The following TNFSF18 variants were observed in gnomAD, a reference collection of about 807,000 sequenced individuals.
TNFSF18 encodes TNF superfamily member 18.
A neutral mutation model predicts 9.6 loss-of-function variants in TNFSF18; 6 were observed. That is an observed-to-expected ratio of 0.63 (90% CI 0.34 to 1.24). The LOEUF (loss-of-function observed/expected upper bound fraction) is 1.24. Among genes scored for constraint, TNFSF18 ranks in the 50% most tolerant of loss-of-function variants. The pLI, the probability that TNFSF18 is intolerant of heterozygous loss-of-function variation, is 0.03. For missense variants in TNFSF18, 210 were observed against 201.0 expected (o/e 1.04, Z -0.27); for synonymous variants, 68 against 71.7 (o/e 0.95, Z 0.26).
At position 173,039,438 on chromosome 1, in the gene TNFSF18, C is replaced by A. The variant is rs1372039601; in HGVS notation, c.*1929G>T. 6.6e-6 allele frequency among the ~76,000 whole-genome samples: 1 copy of A among 151,810 alleles called. No homozygotes were observed. The highest frequency in any genetic ancestry group is 1.5e-5 in the Non-Finnish European group (1 of 67,986). On this transcript the variant is annotated 3_prime_UTR_variant, in exon 3 of 3. Coordinates refer to ENST00000404377, the MANE Select transcript of TNFSF18 (RefSeq NM_005092.4). ...TCTCCCTTAGTCTGCTATGATTATC[C>A]CAGGAATGAAGCGGGGGCAGAGAGG...
chr1:173,042,720 G>C (rs1358986962), intron 2 of TNFSF18, among the ~76,000 whole-genome samples: 1 of 152,150 alleles, frequency 6.6e-6, no homozygotes, highest in South Asian at 2.1e-4. Flanking sequence ...ACAGCCCCGG[G>C]AGGTGCTTTT....
At position 173,039,674 on chromosome 1, in the gene TNFSF18, A is replaced by G. The variant is rs566466157; in HGVS notation, c.*1693T>C. 2.6e-5 allele frequency among the ~76,000 whole-genome samples: 4 copies of G among 152,158 alleles called. No homozygotes were observed. The highest frequency in any genetic ancestry group is 9.6e-5 in the African/African-American group (4 of 41,516). ...CAGCCCACTCCAGCACACATTGCTT[A>G]TAACACAACAAAGATCAAGAACACC... is the stretch of plus-strand genomic sequence containing the variant. On this transcript the variant is annotated 3_prime_UTR_variant, in exon 3 of 3. Transcript: ENST00000404377.
At chr1:173,045,162 T>C (rs1175410638) in intron 1 of TNFSF18, among the ~76,000 whole-genome samples, 12 of 152,166 alleles carry the variant, frequency 7.9e-5, no homozygotes, top group African/African-American at 2.9e-4. Context: ...TTTAAGAGTC[T>C]TAAGCTCATA....
At chr1:173,048,697 T>TTTTTAA (rs1665121251) in intron 1 of TNFSF18, among the ~76,000 whole-genome samples, 1 of 152,218 alleles carries the variant, frequency 6.6e-6, no homozygotes, top group Non-Finnish European at 1.5e-5. Context: ...AAGTGTACAC[T>TTTTTAA]TTTTAAAGTA....
intron 1 of TNFSF18, among the ~76,000 whole-genome samples, chr1:173,044,310 A>C (rs1665044190): frequency 6.6e-6 from 1 of 151,054 alleles, no homozygotes; most frequent in African/African-American, 2.4e-5. Flanking sequence ...CAGTTTCCAC[A>C]CCCCAGTGAC....
chr1:173,042,871 A>G (rs570157932), intron 2 of TNFSF18, among the ~76,000 whole-genome samples: 1 of 152,164 alleles, frequency 6.6e-6, no homozygotes, highest in Non-Finnish European at 1.5e-5. Flanking sequence ...AATGACTAAT[A>G]TAAGACTCTG....
chr1:173,044,090 A>G (rs1035451923), intron 1 of TNFSF18, 121 bp from the exon 2 acceptor site: 1 of 947,482 alleles, frequency 1.1e-6, no homozygotes, highest in Middle Eastern at 2.6e-4. Context: ...CATAAAAAAA[A>G]TCCTTCCCTT....
intron 1 of TNFSF18, among the ~76,000 whole-genome samples, chr1:173,047,888 G>A (rs1037576286): frequency 6.6e-6 from 1 of 152,124 alleles, no homozygotes; most frequent in South Asian, 2.1e-4. Flanking sequence ...GTTTGATTGA[G>A]AGAGTGATAT....
intron 2 of TNFSF18, 110 bp from the exon 3 acceptor site, chr1:173,041,823 T>TCGATCACCGA: frequency 1.2e-6 from 1 of 835,044 alleles, no homozygotes; most frequent in South Asian, 2.7e-5. Context: ...TTTCTTTACC[T>TCGATCACCGA]GATCTACACT....
rs192800196 is a variant in TNFSF18, at chr1:173,041,024, T to C, written c.*343A>G. The C allele has an allele frequency of 6.1e-5, 11 of 181,430 alleles. No individual in the cohort carries two copies. The highest frequency in any genetic ancestry group is 3.0e-4 in the Admixed American group (5 of 16,710). The allele number at this position is 181,430 out of a possible 1,614,324, so 11.2% of individuals were successfully genotyped here. A position where few individuals can be genotyped will look rare whatever the true frequency, so the allele number is the denominator to read the frequency against. On this transcript the variant is annotated 3_prime_UTR_variant, in exon 3 of 3. Transcript: ENST00000404377. Reference sequence around the variant, plus strand: ...GCCAGGCTACTGCCCCAGATCCTTTTTGCATACCAGGTAAATCTTCCATGG... The same window carrying C: ...GCCAGGCTACTGCCCCAGATCCTTTCTGCATACCAGGTAAATCTTCCATGG...
intron 2 of TNFSF18, among the ~76,000 whole-genome samples, chr1:173,042,377 A>G (rs1665007944): frequency 6.6e-6 from 1 of 152,054 alleles, no homozygotes; most frequent in Non-Finnish European, 1.5e-5. Context: ...TACCTGGTAG[A>G]TGTTCCATAA....
chr1:173,049,814 T>C (rs1665140126), intron 1 of TNFSF18, among the ~76,000 whole-genome samples: 1 of 152,132 alleles, frequency 6.6e-6, no homozygotes, highest in Admixed American at 6.6e-5. Flanking sequence ...CTGAAATAAA[T>C]AAAGCATTTC....
chr1:173,040,531 G>A lies in TNFSF18; in HGVS notation c.*836C>T, dbSNP rs571400438. On this transcript the variant is annotated 3_prime_UTR_variant, in exon 3 of 3. Coordinates refer to ENST00000404377, the MANE Select transcript of TNFSF18 (RefSeq NM_005092.4). ...TTCATAGAATTGCTAACTGTTTTAC[G>A]AAAGCACTTTGCAAACTGTGGAAAG... 11 of 152,170 alleles carry A rather than the reference G, an allele frequency of 7.2e-5. No individual in the cohort carries two copies. The highest frequency in any genetic ancestry group is 2.4e-4 in the African/African-American group (10 of 41,508). 9.4% of individuals were successfully genotyped at this position (152,170 alleles called of 1,614,324 possible).
rs1205424565 is a variant in TNFSF18, at chr1:173,040,210, C to T, written c.*1157G>A. ...GGCCTGAACAGCATCCTGGATCTCC[C>T]TGATTCAGGCAGGAAAAAAAAAAAA... On this transcript the variant is annotated 3_prime_UTR_variant, in exon 3 of 3. Transcript: ENST00000404377. 1.3e-5 allele frequency: 2 copies of T among 150,820 alleles called. No individual in the cohort carries two copies. The highest frequency in any genetic ancestry group is 2.9e-5 in the Non-Finnish European group (2 of 67,884). The allele number at this position is 150,820 out of a possible 1,614,324, so 9.3% of individuals were successfully genotyped here.
In TNFSF18 at chr1:173,041,727, AC is replaced by A; in HGVS notation, c.188-15del. ...AGGGTAATGGTCCTATAAGAAATAT[AC>A]AAGGATAAAAAAGATGAAAGCATAG... On this transcript the variant is annotated splice_polypyrimidine_tract_variant and intron_variant, in intron 2 of 2. Transcript: ENST00000404377. The A allele has an allele frequency of 1.3e-6, 2 of 1,548,732 alleles. No individual in the cohort carries two copies. The highest frequency in any genetic ancestry group is 1.7e-6 in the Non-Finnish European group (2 of 1,149,166).
chr1:173,041,807 ATGT>A, intron 2 of TNFSF18, 94 bp from the exon 3 acceptor site: 6 of 1,007,952 alleles, frequency 6.0e-6, no homozygotes, highest in Non-Finnish European at 8.0e-6. Flanking sequence ...TACCACATAC[ATGT>A]TGTTTCTTTA....
intron 2 of TNFSF18, among the ~76,000 whole-genome samples, chr1:173,042,006 G>T (rs570799795): frequency 5.5e-4 from 83 of 152,238 alleles, no homozygotes; most frequent in Non-Finnish European, 9.1e-4. Flanking sequence ...ATATTTGTGG[G>T]AAAAAGAAAG....
chr1:173,040,301 T>G lies in TNFSF18; in HGVS notation c.*1066A>C, dbSNP rs762691626. ...GCTCACCTTGGGCTAAAGGGGAATATGCTTCCTGAAAAGTGAATTCGCTAA... is the reference window on the plus strand; with the variant it reads ...GCTCACCTTGGGCTAAAGGGGAATAGGCTTCCTGAAAAGTGAATTCGCTAA... On this transcript the variant is annotated 3_prime_UTR_variant, in exon 3 of 3. Coordinates refer to ENST00000404377, the MANE Select transcript of TNFSF18 (RefSeq NM_005092.4). The G allele has an allele frequency of 6.6e-6, 1 of 152,030 alleles. No homozygotes were observed. The highest frequency in any genetic ancestry group is 1.5e-5 in the Non-Finnish European group (1 of 68,026). The allele number at this position is 152,030 out of a possible 1,614,324, so 9.4% of individuals were successfully genotyped here.
chr1:173,047,750 T>G (rs1665106849), intron 1 of TNFSF18, among the ~76,000 whole-genome samples: 1 of 152,134 alleles, frequency 6.6e-6, no homozygotes, highest in Non-Finnish European at 1.5e-5. Flanking sequence ...AAATTCCGTA[T>G]AATATACTGC....
Sources: gnomAD v4.1 joint callset for allele counts (sites outside exome capture counted in the v4.1 genomes callset) on GRCh38, gnomAD v4.1.1 for gene constraint, MANE v1.5 for transcripts, NCBI Gene and HGNC (gene_info 2026-07-23, HGNC 2026-07-21) for gene names.